The following AGGF1 variants were observed in gnomAD, a reference collection of about 807,000 sequenced individuals.
AGGF1 encodes the protein angiogenic factor with G-patch and FHA domains 1.
Under a neutral mutation model 86.5 loss-of-function variants are expected in AGGF1, and 56 were observed. That is an observed-to-expected ratio of 0.65 (90% CI 0.52 to 0.81). The LOEUF is 0.81. Ranked by LOEUF, AGGF1 falls within the 30% of genes least tolerant of loss-of-function variation. The pLI, the probability that AGGF1 is intolerant of heterozygous loss-of-function variation, is 0.00. For missense variants in AGGF1, 816 were observed against 850.9 expected, an observed-to-expected ratio of 0.96 and a Z score of 0.51; for synonymous variants, 313 against 297.1, an observed-to-expected ratio of 1.05 and a Z score of -0.55.
At chr5:77,036,533 T>C in intron 3 of AGGF1, 23 bp from the exon 4 acceptor site, 1 of 1,613,690 alleles carries the variant, frequency 6.2e-7, no homozygotes, top group Non-Finnish European at 8.5e-7. Flanking sequence ...TTGTCTTATT[T>C]GGCATGACTA....
At chr5:77,061,465 G>GAA (rs1747563096) in intron 12 of AGGF1, among the ~76,000 whole-genome samples, 1 of 152,150 alleles carries the variant, frequency 6.6e-6, no homozygotes, top group Non-Finnish European at 1.5e-5. Context: ...GATCATTTCT[G>GAA]ATTTGTTGCT....
At chr5:77,040,420 TAA>T (rs11320289) in intron 5 of AGGF1, among the ~76,000 whole-genome samples, 12 of 139,404 alleles carry the variant, frequency 8.6e-5, no homozygotes, top group East Asian at 2.0e-4. Flanking sequence ...AGGAAAATAT[TAA>T]AAAAAAAAAA....
chr5:77,056,198 G>A (rs776380906), intron 11 of AGGF1, among the ~76,000 whole-genome samples: 8 of 150,336 alleles, frequency 5.3e-5, no homozygotes, highest in Non-Finnish European at 1.2e-4. Flanking sequence ...ATAAAGGTGT[G>A]ATGGCAGTTT....
chr5:77,030,783 C>G lies in AGGF1; in HGVS notation c.17C>G (p.Pro6Arg), dbSNP rs755297648. 38 of 1,583,034 alleles carry G rather than the reference C, an allele frequency of 2.4e-5. No individual in the cohort carries two copies. Among genetic ancestry groups the G allele is most frequent in the Non-Finnish European group, 3.1e-5 (36 of 1,169,808 alleles). The change falls in exon 1 of 14, where the codon CCG becomes CGG. Residue 6 changes from proline to arginine, a missense_variant. Around this residue, in one of 3 missense-constraint regions of AGGF1, gnomAD observed 240 missense variants for 234.4 expected, o/e 1.02. Transcript: ENST00000312916. ...CCGGAGCTCATGGCCTCGGAGGCGC[C>G]GTCCCCGCCGCGGTCGCCGCCGCCG... is the stretch of plus-strand genomic sequence containing the variant. The part of the protein sequence containing the change: MASEA[P>R]SPPRSPPPPT...
chr5:77,063,183 C>T lies in AGGF1; in HGVS notation c.2076C>T (p.Asn692=). The change falls in exon 14 of 14, where the codon AAC becomes AAT. Residue 692 remains asparagine, a synonymous_variant. Coordinates refer to ENST00000312916, the MANE Select transcript of AGGF1 (RefSeq NM_018046.5). The part of the protein sequence containing the change: ...WDKARERFTE[N]FPETKPQKDD... ...AAGCACGAGAGCGGTTTACTGAAAACTTCCCAGAAACTAAGCCTCAAAAAG... is the reference window on the plus strand; with the variant it reads ...AAGCACGAGAGCGGTTTACTGAAAATTTCCCAGAAACTAAGCCTCAAAAAG... 1 of 1,613,962 alleles carries T rather than the reference C, an allele frequency of 6.2e-7. No homozygotes were observed. Among genetic ancestry groups the T allele is most frequent in the Non-Finnish European group, 8.5e-7 (1 of 1,179,906 alleles).
Position 77,046,448 on chromosome 5 carries a change from T to C in AGGF1, c.972T>C (p.Ile324=). The change falls in exon 6 of 14, where the codon ATT becomes ATC. Residue 324 remains isoleucine, a synonymous_variant. Coordinates refer to ENST00000312916, the MANE Select transcript of AGGF1 (RefSeq NM_018046.5). The stretch of plus-strand genomic sequence containing the variant: ...TGAAAAAGAAGGCCAAAATAGGCAT[T>C]CATCACAAAAATAGTCCCCCCAAAG... The part of the protein sequence containing the change: ...ANMKKKAKIG[I]HHKNSPPKVT... 6.2e-7 allele frequency: 1 copy of C among 1,614,006 alleles called. No homozygotes were observed. The highest frequency in any genetic ancestry group is 8.5e-7 in the Non-Finnish European group (1 of 1,179,948).
chr5:77,052,672 A>C, intron 8 of AGGF1, 34 bp from the exon 9 acceptor site: 6 of 1,475,264 alleles, frequency 4.1e-6, no homozygotes, highest in Non-Finnish European at 5.7e-6. Context: ...TGAAAAGTAT[A>C]ATAATTAATA....
chr5:77,059,570 A>G, intron 11 of AGGF1, 46 bp from the exon 12 acceptor site: 1 of 1,551,698 alleles, frequency 6.4e-7, no homozygotes, highest in Non-Finnish European at 8.9e-7. Context: ...AAATTGTTTT[A>G]TTTATCAGCT....
At chr5:77,034,662 G>T in intron 2 of AGGF1, 142 bp downstream of exon 2, 3 of 670,014 alleles carry the variant, frequency 4.5e-6, no homozygotes, top group South Asian at 1.7e-5. Flanking sequence ...TATGATAATG[G>T]TATTTTCGGA....
At chr5:77,050,306 CTTTTTTTTTTTTTTTT>C (rs10595061) in intron 8 of AGGF1, among the ~76,000 whole-genome samples, 3 of 76,562 alleles carry the variant, frequency 3.9e-5, no homozygotes, top group Non-Finnish European at 6.8e-5. Context: ...TTCTTTGTTT[CTTTTTTTTTTTTTTTT>C]TTTTTTTTTT....
intron 1 of AGGF1, among the ~76,000 whole-genome samples, chr5:77,032,275 CAGGG>C (rs1394697420): frequency 3.2e-5 from 2 of 63,208 alleles, no homozygotes; most frequent in East Asian, 4.6e-4. Flanking sequence ...AAAAAAAAAA[CAGGG>C]AGAGGTGGCT....
chr5:77,041,489 C>T (rs1278195185), intron 5 of AGGF1, among the ~76,000 whole-genome samples: 1 of 151,044 alleles, frequency 6.6e-6, no homozygotes, highest in South Asian at 2.1e-4. Flanking sequence ...ATCGCTTGAA[C>T]CTGGGAGGCG....
At chr5:77,055,735 T>G in intron 11 of AGGF1, 139 bp downstream of exon 11, 1 of 616,520 alleles carries the variant, frequency 1.6e-6, no homozygotes, top group Non-Finnish European at 2.8e-6. Flanking sequence ...TTTACTGTTC[T>G]GGTATTCATA....
rs1246035020 is a variant in AGGF1 at position 77,065,066 on chromosome 5, GA to G, written c.*1816del. ...GGGTCTATTTCCATCTGTAAAATAA[GA>G]ATATTTGTCTCACGTGTCTGTCATG... is the stretch of plus-strand genomic sequence containing the variant. On this transcript the variant is annotated 3_prime_UTR_variant, in exon 14 of 14. Transcript: ENST00000312916. 1 of 152,112 alleles carries G rather than the reference GA, an allele frequency of 6.6e-6. No homozygotes were observed. Among genetic ancestry groups the G allele is most frequent in the Non-Finnish European group, 1.5e-5 (1 of 68,024 alleles). The allele number at this position is 152,112 out of a possible 1,614,324, so 9.4% of individuals were successfully genotyped here. A position where few individuals can be genotyped will look rare whatever the true frequency, so the allele number is the denominator to read the frequency against.
intron 5 of AGGF1, among the ~76,000 whole-genome samples, chr5:77,040,032 A>G (rs1747041403): frequency 6.6e-6 from 1 of 152,208 alleles, no homozygotes; most frequent in Non-Finnish European, 1.5e-5. Flanking sequence ...TAAAAGATAA[A>G]CACAGTTTAT....
intron 11 of AGGF1, among the ~76,000 whole-genome samples, chr5:77,058,815 C>CACCACACCTTGTGTATACCTTT (rs1252037667): frequency 5.9e-5 from 9 of 152,124 alleles, no homozygotes; most frequent in Non-Finnish European, 1.2e-4. Context: ...TTTGTGCCAC[C>CACCACACCTTGTGTATACCTTT]ACCACACCTT....
intron 8 of AGGF1, among the ~76,000 whole-genome samples, chr5:77,049,487 C>G (rs1747330685): frequency 6.6e-6 from 1 of 151,160 alleles, no homozygotes; most frequent in Non-Finnish European, 1.5e-5. Flanking sequence ...AGAATTGCAA[C>G]TCAAGTTATA....
At chr5:77,032,629 A>C (rs912511401) in intron 1 of AGGF1, among the ~76,000 whole-genome samples, 5 of 151,756 alleles carry the variant, frequency 3.3e-5, no homozygotes, top group African/African-American at 1.2e-4. Flanking sequence ...TTTACATGAC[A>C]GCCTTTTGAA....
At chr5:77,031,034 C>T (rs1224162856) in intron 1 of AGGF1, 58 bp downstream of exon 1, 5 of 1,577,356 alleles carry the variant, frequency 3.2e-6, no homozygotes, top group Non-Finnish European at 4.3e-6. Context: ...CTTCGAAGCC[C>T]GTGATAGCCT....
Sources: allele counts gnomAD v4.1 joint callset (sites outside exome capture counted in the v4.1 genomes callset), GRCh38; gene constraint gnomAD v4.1.1; regional missense constraint gnomAD v4.1.1; transcripts MANE v1.5; gene names NCBI Gene and HGNC (gene_info 2026-07-23, HGNC 2026-07-21).